KIF13A: variants seen among roughly 807,000 people sequenced by gnomAD.
The protein encoded by KIF13A is kinesin-like protein KIF13A.
A neutral mutation model predicts 212.2 loss-of-function variants in KIF13A; 79 were observed. That is an observed-to-expected ratio of 0.37 (90% CI 0.31 to 0.45). The LOEUF is 0.45. KIF13A is among the 20% of genes least tolerant of loss of function. The pLI, the probability that KIF13A is intolerant of heterozygous loss-of-function variation, is 1.00. For missense variants in KIF13A, 1,901 were observed against 2,209.0 expected (o/e 0.86, Z 2.79); for synonymous variants, 789 against 808.6 (o/e 0.98, Z 0.41).
At chr6:17,821,831 G>C (rs1474170180) in intron 16 of KIF13A, 1 of 1,535,292 alleles carries the variant, frequency 6.5e-7, no homozygotes, top group Non-Finnish European at 8.7e-7. Flanking sequence ...AACCACATGA[G>C]AGGAAAGAGG....
In KIF13A at chr6:17,888,634, G is replaced by A. The variant is rs1284120595; in HGVS notation, c.159+9534C>T. ...AGGCCGGGAGTTCGAGACCAGCTTG[G>A]CCAACATGGTGAAACCCTGTCTCTA... is the stretch of plus-strand genomic sequence containing the variant. On this transcript the variant is annotated intron_variant, in intron 3 of 38. Coordinates refer to ENST00000259711, the MANE Select transcript of KIF13A (RefSeq NM_022113.6). This position sits in a 1 kb window ranked among gnomAD's most constrained non-coding sequence, Gnocchi z 4.8. 3.9e-5 allele frequency among the ~76,000 whole-genome samples: 6 copies of A among 152,158 alleles called. No individual in the cohort carries two copies. Among genetic ancestry groups the A allele is most frequent in the Admixed American group, 2.6e-4 (4 of 15,280 alleles).
Position 17,828,213 on chromosome 6 carries a change from C to T in KIF13A, c.1532+27G>A, listed in dbSNP as rs760648721. On this transcript the variant is annotated intron_variant, in intron 14 of 38. Coordinates refer to ENST00000259711, the MANE Select transcript of KIF13A (RefSeq NM_022113.6). This position sits in a 1 kb window ranked among gnomAD's most constrained non-coding sequence, Gnocchi z 4.3. ...TTCTGAAAATAAGGCACACAAGACA[C>T]GTGAAGTCACCATTTACTTTTCTTA... 5.0e-6 allele frequency: 8 copies of T among 1,604,420 alleles called. No homozygotes were observed. The highest frequency in any genetic ancestry group is 3.4e-5 in the Admixed American group (2 of 58,746).
chr6:17,924,185 T>C (rs1017708573), intron 2 of KIF13A, among the ~76,000 whole-genome samples: 6 of 152,080 alleles, frequency 3.9e-5, no homozygotes, highest in Non-Finnish European at 8.8e-5. Context: ...TTTCTAAGCA[T>C]GTATTTCAGA....
intron 2 of KIF13A, among the ~76,000 whole-genome samples, chr6:17,966,494 GA>G (rs564501705): frequency 0.034 from 3,021 of 87,602 alleles, 50 homozygotes; most frequent in Non-Finnish European, 0.048. Flanking sequence ...CAAAAGTTCT[GA>G]AAAAAAAAAA....
intron 17 of KIF13A, among the ~76,000 whole-genome samples, chr6:17,814,678 T>C (rs1314589516): frequency 6.6e-6 from 1 of 152,194 alleles, no homozygotes; most frequent in Non-Finnish European, 1.5e-5. Context: ...TTTAAACTGA[T>C]TGCCTGACCT....
At chr6:17,868,982 T>C (rs1176406523) in intron 4 of KIF13A, among the ~76,000 whole-genome samples, 2 of 46,676 alleles carry the variant, frequency 4.3e-5, no homozygotes, top group African/African-American at 2.0e-4. Flanking sequence ...AGAGGGAGAC[T>C]CCCTCTCAAA....
rs1302725859 is a variant in KIF13A at position 17,850,677 on chromosome 6, T to C, written c.583-220A>G. On this transcript the variant is annotated intron_variant, in intron 7 of 38. Transcript: ENST00000259711. This position sits in a 1 kb window ranked among gnomAD's most constrained non-coding sequence, Gnocchi z 6.2. Reference sequence around the variant, plus strand: ...TCCCTAATTCTTTCCATTTCCCAATTGTCTTCTTTCTCAGTTGAGTCCCTA... The same window carrying C: ...TCCCTAATTCTTTCCATTTCCCAATCGTCTTCTTTCTCAGTTGAGTCCCTA... Among the ~76,000 whole-genome samples the C allele has an allele frequency of 6.6e-6, 1 of 152,184 alleles. No individual in the cohort carries two copies. Among genetic ancestry groups the C allele is most frequent in the Admixed American group, 6.5e-5 (1 of 15,286 alleles).
chr6:17,886,599 G>A lies in KIF13A; in HGVS notation c.159+11569C>T, dbSNP rs1180025772. Among the ~76,000 whole-genome samples the A allele has an allele frequency of 4.6e-5, 7 of 152,278 alleles. No homozygotes were observed. Among genetic ancestry groups the A allele is most frequent in the African/African-American group, 9.6e-5 (4 of 41,548 alleles). On this transcript the variant is annotated intron_variant, in intron 3 of 38. Coordinates refer to ENST00000259711, the MANE Select transcript of KIF13A (RefSeq NM_022113.6). The surrounding 1 kb of genome is among the most constrained non-coding windows in gnomAD (Gnocchi z 5.6). The stretch of plus-strand genomic sequence containing the variant: ...GACCTGGTACTCCGTCAGTGGTACT[G>A]TAGACATCTAAAGGCACAGAGTTCC...
chr6:17,844,720 C>T (rs1222172571), intron 9 of KIF13A, among the ~76,000 whole-genome samples: 2 of 152,146 alleles, frequency 1.3e-5, no homozygotes, highest in African/African-American at 2.4e-5. Flanking sequence ...CTTGATGGGT[C>T]TCTCACATTA....
At chr6:17,873,579 T>A (rs1244763922) in intron 3 of KIF13A, 142 bp from the exon 4 acceptor site, 4 of 623,390 alleles carry the variant, frequency 6.4e-6, no homozygotes, top group South Asian at 2.1e-5. Context: ...TTGGTGCTTT[T>A]GTTAACCATA....
Position 17,804,350 on chromosome 6 carries a change from C to T in KIF13A, c.2454+11G>A. ...AACCACCATCGTTCTCCAAGGCTGG[C>T]CTGTGCTTACCTCCCCCTGCTGGCT... is the stretch of plus-strand genomic sequence containing the variant. On this transcript the variant is annotated intron_variant, in intron 20 of 38. Coordinates refer to ENST00000259711, the MANE Select transcript of KIF13A (RefSeq NM_022113.6). 1 of 1,518,242 alleles carries T rather than the reference C, an allele frequency of 6.6e-7. No individual in the cohort carries two copies. Among genetic ancestry groups the T allele is most frequent in the South Asian group, 1.3e-5 (1 of 78,978 alleles). 94.0% of individuals were successfully genotyped at this position (1,518,242 alleles called of 1,614,324 possible).
In KIF13A at chr6:17,771,355, G is replaced by A; in HGVS notation, c.4477-137C>T. On this transcript the variant is annotated intron_variant, in intron 37 of 38. Coordinates refer to ENST00000259711, the MANE Select transcript of KIF13A (RefSeq NM_022113.6). This position sits in a 1 kb window ranked among gnomAD's most constrained non-coding sequence, Gnocchi z 5.4. ...AGTAATGCAGCAGCCAATTCTGCAGGCCAGAGTTAAACTACTGGAGAGATA... is the reference window on the plus strand; with the variant it reads ...AGTAATGCAGCAGCCAATTCTGCAGACCAGAGTTAAACTACTGGAGAGATA... 3.2e-6 allele frequency: 2 copies of A among 619,654 alleles called. No homozygotes were observed. The highest frequency in any genetic ancestry group is 5.8e-6 in the Non-Finnish European group (2 of 344,614). The allele number at this position is 619,654 out of a possible 1,614,324, so 38.4% of individuals were successfully genotyped here.
At chr6:17,831,879 TG>T (rs1028724201) in intron 12 of KIF13A, among the ~76,000 whole-genome samples, 1 of 149,628 alleles carries the variant, frequency 6.7e-6, no homozygotes, top group African/African-American at 2.5e-5. Flanking sequence ...TAGTAGGTAT[TG>T]ATCTCGGGCT....
intron 2 of KIF13A, among the ~76,000 whole-genome samples, chr6:17,924,368 T>C (rs1307950607): frequency 1.3e-5 from 2 of 152,182 alleles, no homozygotes; most frequent in South Asian, 4.1e-4. Flanking sequence ...ATAAGTTAAA[T>C]TGCTATGGGC....
intron 2 of KIF13A, among the ~76,000 whole-genome samples, chr6:17,978,359 T>C (rs548777156): frequency 6.6e-6 from 1 of 152,340 alleles, no homozygotes; most frequent in South Asian, 2.1e-4. Flanking sequence ...TGTCTAAATA[T>C]CCAGAAATAT....
At chr6:17,924,740 A>G (rs1466640691) in intron 2 of KIF13A, among the ~76,000 whole-genome samples, 2 of 152,262 alleles carry the variant, frequency 1.3e-5, no homozygotes, top group African/African-American at 2.4e-5. Context: ...GAGAAAAACG[A>G]AAGTTAAAAG....
In KIF13A at chr6:17,926,393, C is replaced by T. The variant is rs1298688639; in HGVS notation, c.147-28213G>A. On this transcript the variant is annotated intron_variant, in intron 2 of 38. Coordinates refer to ENST00000259711, the MANE Select transcript of KIF13A (RefSeq NM_022113.6). This position sits in a 1 kb window ranked among gnomAD's most constrained non-coding sequence, Gnocchi z 4.3. Reference sequence around the variant, plus strand: ...GATAACAGGCACGCACCACCACACCCGGCTAATTTTTGTATTTTTAGTAGA... The same window carrying T: ...GATAACAGGCACGCACCACCACACCTGGCTAATTTTTGTATTTTTAGTAGA... 4.6e-5 allele frequency among the ~76,000 whole-genome samples: 7 copies of T among 152,076 alleles called. 1 individual carries two copies. In the South Asian group the frequency reaches 8.3e-4, roughly 18 times the overall value.
intron 23 of KIF13A, 84 bp downstream of exon 23, chr6:17,796,585 G>T: frequency 1.2e-6 from 1 of 812,726 alleles, no homozygotes; most frequent in Non-Finnish European, 1.8e-6. Context: ...TTTATAAGCA[G>T]CCTCCTAGGC....
At chr6:17,775,798 C>T (rs538371140) in intron 34 of KIF13A, among the ~76,000 whole-genome samples, 1 of 152,118 alleles carries the variant, frequency 6.6e-6, no homozygotes, top group East Asian at 1.9e-4. Flanking sequence ...GCAATCCTCT[C>T]GCCTTGGCTT....
Sources: gnomAD v4.1 joint callset for allele counts (sites outside exome capture counted in the v4.1 genomes callset) on GRCh38, gnomAD v4.1.1 for gene constraint, Gnocchi (gnomAD v3.1) non-coding constraint, MANE v1.5 for transcripts, NCBI Gene and HGNC (gene_info 2026-07-23, HGNC 2026-07-21) for gene names.